Variants in ICA1L observed in about 807,000 individuals in gnomAD.
ICA1L encodes the protein islet cell autoantigen 1-like protein.
Under a neutral mutation model 61.3 loss-of-function variants are expected in ICA1L, and 50 were observed. The observed-to-expected ratio is 0.82, with a 90% CI of 0.65 to 1.03. The LOEUF is 1.03. Among genes scored for constraint, ICA1L ranks in the 50% least tolerant of loss-of-function variants. The probability of loss-of-function intolerance (pLI) is 0.00; values close to 1 mark genes in which losing one functional copy is unlikely to be tolerated. For synonymous variants in ICA1L, 161 were observed against 191.3 expected, an observed-to-expected ratio of 0.84 and a Z score of 1.31; for missense variants, 508 against 556.7, an observed-to-expected ratio of 0.91 and a Z score of 0.88.
At chr2:202,844,641 C>T (rs1402413673) in intron 1 of ICA1L, 1 of 151,976 alleles carries the variant, frequency 6.6e-6, no homozygotes, top group Non-Finnish European at 1.5e-5. Context: ...TTTTTGCTTC[C>T]CAAATTTACC....
chr2:202,783,914 G>A (rs765146230), intron 12 of ICA1L, among the ~76,000 whole-genome samples: 1 of 151,104 alleles, frequency 6.6e-6, no homozygotes, highest in African/African-American at 2.4e-5. Flanking sequence ...TGGGGGGGTG[G>A]GGAAGAAAGA....
chr2:202,782,440 C>G (rs1435420858), intron 12 of ICA1L, among the ~76,000 whole-genome samples: 1 of 150,522 alleles, frequency 6.6e-6, no homozygotes. Flanking sequence ...TGGAGTCTTG[C>G]TCTGTCGCCC....
chr2:202,863,933 A>G (rs1687381231), intron 1 of ICA1L, among the ~76,000 whole-genome samples: 1 of 152,204 alleles, frequency 6.6e-6, no homozygotes, highest in Admixed American at 6.5e-5. Context: ...AGATTCTACA[A>G]CTTAAGTTAA....
At chr2:202,832,867 A>T (rs1415422754) in intron 1 of ICA1L, among the ~76,000 whole-genome samples, 1 of 152,128 alleles carries the variant, frequency 6.6e-6, no homozygotes, top group East Asian at 1.9e-4. Flanking sequence ...AAAATTACCA[A>T]TCTAAAAACT....
chr2:202,842,563 T>A (rs752373745), intron 1 of ICA1L, among the ~76,000 whole-genome samples: 2 of 152,250 alleles, frequency 1.3e-5, no homozygotes, highest in Admixed American at 1.3e-4. Flanking sequence ...TGCTTTTCTC[T>A]TGCTACTTTC....
intron 9 of ICA1L, among the ~76,000 whole-genome samples, chr2:202,805,050 T>C (rs755835973): frequency 6.6e-6 from 1 of 152,198 alleles, no homozygotes; most frequent in East Asian, 1.9e-4. Flanking sequence ...GAAATCCTGA[T>C]ACAAGCCCCA....
At chr2:202,853,453 G>A (rs1168434826) in intron 1 of ICA1L, among the ~76,000 whole-genome samples, 6 of 152,052 alleles carry the variant, frequency 3.9e-5, no homozygotes, top group African/African-American at 1.4e-4. Flanking sequence ...CATGGGCAAG[G>A]ACTTCATGTC....
chr2:202,783,998 C>T (rs940720088), intron 12 of ICA1L, among the ~76,000 whole-genome samples: 51 of 152,076 alleles, frequency 3.4e-4, no homozygotes, highest in African/African-American at 1.2e-3. Context: ...TTTTTATTAA[C>T]TTCTGTAGTC....
intron 1 of ICA1L, among the ~76,000 whole-genome samples, chr2:202,829,706 A>G (rs1693960082): frequency 6.6e-6 from 1 of 152,318 alleles, no homozygotes; most frequent in South Asian, 2.1e-4. Flanking sequence ...CAAAAGATTA[A>G]TTATATTTAT....
intron 10 of ICA1L, among the ~76,000 whole-genome samples, chr2:202,793,752 C>T (rs935394146): frequency 2.7e-5 from 4 of 150,790 alleles, no homozygotes; most frequent in Non-Finnish European, 4.4e-5. Context: ...TTTGGGAGGC[C>T]GAGGCTGGTG....
chr2:202,798,971 G>T (rs1246263443), intron 9 of ICA1L, among the ~76,000 whole-genome samples: 1 of 152,040 alleles, frequency 6.6e-6, no homozygotes, highest in Non-Finnish European at 1.5e-5. Flanking sequence ...TTTTATGGCT[G>T]AATGGTATTC....
chr2:202,787,702 G>A (rs377284771), intron 11 of ICA1L, among the ~76,000 whole-genome samples: 3 of 152,194 alleles, frequency 2.0e-5, no homozygotes, highest in South Asian at 4.1e-4. Context: ...TTAATACAAA[G>A]TACAATGCAT....
At chr2:202,801,132 G>A (rs1478658524) in intron 9 of ICA1L, among the ~76,000 whole-genome samples, 1 of 152,188 alleles carries the variant, frequency 6.6e-6, no homozygotes, top group Admixed American at 6.6e-5. Context: ...TGGTGATGCA[G>A]AGGCAGAGTC....
At chr2:202,850,241 C>G (rs1246968021) in intron 1 of ICA1L, among the ~76,000 whole-genome samples, 1 of 152,058 alleles carries the variant, frequency 6.6e-6, no homozygotes, top group Non-Finnish European at 1.5e-5. Context: ...CTCTTCTCCT[C>G]CAAATGATGA....
chr2:202,805,321 T>C (rs927422269), intron 9 of ICA1L, among the ~76,000 whole-genome samples: 4 of 152,210 alleles, frequency 2.6e-5, no homozygotes, highest in African/African-American at 4.8e-5. Flanking sequence ...CACTGACTTA[T>C]ACACTTGAAA....
At chr2:202,838,299 C>T (rs901393540) in intron 1 of ICA1L, among the ~76,000 whole-genome samples, 1 of 152,084 alleles carries the variant, frequency 6.6e-6, no homozygotes, top group Non-Finnish European at 1.5e-5. Context: ...AAAAAGCTAC[C>T]TAATTTCAAT....
chr2:202,825,412 G>T, intron 3 of ICA1L: 1 of 538,814 alleles, frequency 1.9e-6, no homozygotes, highest in Non-Finnish European at 2.6e-6. Flanking sequence ...GGAGACTGTA[G>T]TGAGCTGTGA....
At chr2:202,834,294 A>G (rs1206583042) in intron 1 of ICA1L, among the ~76,000 whole-genome samples, 1 of 152,158 alleles carries the variant, frequency 6.6e-6, no homozygotes, top group Non-Finnish European at 1.5e-5. Context: ...TAAATATAAG[A>G]TTATTGTTTC....
intron 12 of ICA1L, among the ~76,000 whole-genome samples, chr2:202,784,746 G>A (rs1435522649): frequency 6.6e-6 from 1 of 152,180 alleles, no homozygotes; most frequent in Non-Finnish European, 1.5e-5. Context: ...CATTATTTCA[G>A]TTGTATGAGG....
Sources: allele counts gnomAD v4.1 joint callset (sites outside exome capture counted in the v4.1 genomes callset), GRCh38; gene constraint gnomAD v4.1.1; transcripts MANE v1.5; gene names NCBI Gene and HGNC (gene_info 2026-07-23, HGNC 2026-07-21).